Variants in PCTP observed in about 807,000 individuals in gnomAD.
The protein encoded by PCTP is START domain-containing protein 2.
A neutral mutation model predicts 31.0 loss-of-function variants in PCTP; 27 were observed. The ratio of observed to expected loss-of-function variants is 0.87; its 90% CI spans 0.64 to 1.20. The LOEUF (loss-of-function observed/expected upper bound fraction) is 1.20. PCTP is among the 50% of genes most tolerant of loss of function. The probability of loss-of-function intolerance (pLI) is 0.00; values close to 1 mark genes in which losing one functional copy is unlikely to be tolerated. For synonymous variants in PCTP, 108 were observed against 101.2 expected (o/e 1.07, Z -0.40); for missense variants, 287 against 268.2 (o/e 1.07, Z -0.49).
intron 1 of PCTP, among the ~76,000 whole-genome samples, chr17:55,758,898 G>A (rs1910190019): frequency 6.6e-6 from 1 of 152,148 alleles, no homozygotes; most frequent in South Asian, 2.1e-4. Context: ...CTGTCTCCAG[G>A]TATAAGCCAA....
At chr17:55,851,363 C>A in the PCTP span, among the ~76,000 whole-genome samples, 1 of 151,812 alleles carries the variant, frequency 6.6e-6, no homozygotes, top group Non-Finnish European at 1.5e-5. Context: ...TAAAACAGAG[C>A]TTTCAGATGA....
chr17:55,799,065 C>A (rs893695421), intron 3 of PCTP, among the ~76,000 whole-genome samples: 2 of 151,450 alleles, frequency 1.3e-5, no homozygotes, highest in Non-Finnish European at 2.9e-5. Context: ...GATTAGTAAG[C>A]TAATGGGGGG....
At chr17:55,753,207 A>C (rs1909805019) in intron 1 of PCTP, among the ~76,000 whole-genome samples, 1 of 152,112 alleles carries the variant, frequency 6.6e-6, no homozygotes, top group Non-Finnish European at 1.5e-5. Context: ...TTGGGTACTC[A>C]GCACCCCTCA....
chr17:55,755,265 C>T (rs12947143), intron 1 of PCTP, among the ~76,000 whole-genome samples: 17,241 of 152,118 alleles, frequency 0.11, 1,109 homozygotes, highest in African/African-American at 0.17. Context: ...CTGGTTGTGA[C>T]GACCCTTCAC....
intron 3 of PCTP, among the ~76,000 whole-genome samples, chr17:55,791,726 A>C (rs942602868): frequency 6.6e-5 from 10 of 152,182 alleles, no homozygotes; most frequent in Non-Finnish European, 1.2e-4. Context: ...AACTAGTTCA[A>C]CCATTGTGGA....
intron 5 of PCTP, among the ~76,000 whole-genome samples, chr17:55,834,075 GC>G (rs1215672738): frequency 6.6e-6 from 1 of 152,180 alleles, no homozygotes; most frequent in Non-Finnish European, 1.5e-5. Context: ...TAAGGAGGAA[GC>G]CCCTGAGTCT....
chr17:55,826,329 G>C (rs541617074), downstream of PCTP, among the ~76,000 whole-genome samples: 43 of 152,252 alleles, frequency 2.8e-4, no homozygotes, highest in Middle Eastern at 0.01. Flanking sequence ...GGTTTTGGAC[G>C]CACAAGCAAA....
chr17:55,841,936 T>C (rs182715968), intron 5 of PCTP, among the ~76,000 whole-genome samples: 17 of 152,338 alleles, frequency 1.1e-4, no homozygotes, highest in African/African-American at 4.1e-4. Context: ...TCTATTTACC[T>C]ATCTAGCTAA....
Position 55,767,326 on chromosome 17 carries a change from T to A in PCTP, c.142-9T>A. The A allele has an allele frequency of 1.3e-6, 2 of 1,562,990 alleles. No homozygotes were observed. Among genetic ancestry groups the A allele is most frequent in the Non-Finnish European group, 1.8e-6 (2 of 1,136,210 alleles). On this transcript the variant is annotated splice_polypyrimidine_tract_variant and intron_variant, in intron 1 of 5. Coordinates refer to ENST00000268896, the MANE Select transcript of PCTP (RefSeq NM_021213.4). ...CCAATAGACATTTCTACCTGTTCTGTTTTTATAGAAGACTGGACTTTATGA... is the reference window on the plus strand; with the variant it reads ...CCAATAGACATTTCTACCTGTTCTGATTTTATAGAAGACTGGACTTTATGA...
intron 5 of PCTP, among the ~76,000 whole-genome samples, chr17:55,836,970 A>C (rs1298113217): frequency 6.6e-6 from 1 of 152,214 alleles, no homozygotes; most frequent in African/African-American, 2.4e-5. Context: ...GGTGTCCCTG[A>C]GACTGTAGTG....
chr17:55,805,738 G>C lies in PCTP; in HGVS notation c.318-17023G>C, dbSNP rs193227279. Among the ~76,000 whole-genome samples, 4 of 152,186 alleles carry C rather than the reference G, an allele frequency of 2.6e-5. No individual in the cohort carries two copies. In the East Asian group the frequency reaches 7.7e-4, roughly 29 times the overall value. On this transcript the variant is annotated intron_variant, in intron 3 of 3. Transcript: ENST00000572536. ...CCATTTAAAAATGTGTATCCATTTG[G>C]CACCAGATTTGACTCTCTTCCCATT...
the PCTP span, among the ~76,000 whole-genome samples, chr17:55,851,952 A>ACATTT: frequency 6.6e-6 from 1 of 151,990 alleles, no homozygotes; most frequent in African/African-American, 2.4e-5. Flanking sequence ...GTGTGTCATT[A>ACATTT]TTGTTTTTGA....
At position 55,773,896 on chromosome 17, in the gene PCTP, G is replaced by A. The variant is rs1485227279; in HGVS notation, c.511+1G>A. 4.4e-6 allele frequency: 7 copies of A among 1,599,078 alleles called. No individual in the cohort carries two copies. In the African/African-American group the frequency reaches 9.4e-5, roughly 21 times the overall value. ...AGTGACGGCAAGAAGGGGAGCAAAGGTAAAACCCATGGTGCCTGTCAGTGC... is the reference window on the plus strand; with the variant it reads ...AGTGACGGCAAGAAGGGGAGCAAAGATAAAACCCATGGTGCCTGTCAGTGC... On this transcript the variant is annotated splice_donor_variant, in intron 4 of 5. Coordinates refer to ENST00000268896, the MANE Select transcript of PCTP (RefSeq NM_021213.4). LOFTEE classifies it high-confidence loss of function.
intron 3 of PCTP, among the ~76,000 whole-genome samples, chr17:55,816,303 T>C (rs1341965142): frequency 6.6e-6 from 1 of 152,192 alleles, no homozygotes; most frequent in East Asian, 1.9e-4. Context: ...AATGTAATTT[T>C]TGACTCTATG....
chr17:55,755,134 A>T (rs529702633), intron 1 of PCTP, among the ~76,000 whole-genome samples: 3 of 152,248 alleles, frequency 2.0e-5, no homozygotes, highest in Admixed American at 1.3e-4. Flanking sequence ...AATGGATCTG[A>T]GATAGAGTTG....
chr17:55,845,919 T>TGTG (rs748251967), downstream of PCTP, among the ~76,000 whole-genome samples: 31 of 151,480 alleles, frequency 2.0e-4, no homozygotes, highest in Non-Finnish European at 3.5e-4. Context: ...TGTGTGTGTG[T>TGTG]GTGTGTGTAT....
chr17:55,815,061 C>T (rs1912873301), intron 3 of PCTP, among the ~76,000 whole-genome samples: 1 of 152,108 alleles, frequency 6.6e-6, no homozygotes, highest in African/African-American at 2.4e-5. Context: ...GGTCTACAGC[C>T]CAGTAGAATA....
At position 55,751,136 on chromosome 17, in the gene PCTP, G is replaced by A; in HGVS notation, c.33G>A (p.Glu11=). The stretch of plus-strand genomic sequence containing the variant: ...TGGCCGCCGGAAGCTTCTCGGAGGA[G>A]CAGTTCTGGGAGGCCTGCGCCGAGC... MELAAGSFSE[E]QFWEACAELQ... The change falls in exon 1 of 6, where the codon GAG becomes GAA. Residue 11 remains glutamate (E), a synonymous_variant. Coordinates refer to ENST00000268896, the MANE Select transcript of PCTP (RefSeq NM_021213.4). 1 of 1,545,840 alleles carries A rather than the reference G, an allele frequency of 6.5e-7. No homozygotes were observed. The highest frequency in any genetic ancestry group is 8.7e-7 in the Non-Finnish European group (1 of 1,145,388).
At chr17:55,791,268 C>G (rs1911962603) in intron 3 of PCTP, among the ~76,000 whole-genome samples, 1 of 151,902 alleles carries the variant, frequency 6.6e-6, no homozygotes, top group Non-Finnish European at 1.5e-5. Flanking sequence ...GTCTAAAACA[C>G]CAACAGCAAT....
Sources: gnomAD v4.1 joint callset for allele counts (sites outside exome capture counted in the v4.1 genomes callset) on GRCh38, gnomAD v4.1.1 for gene constraint, MANE v1.5 for transcripts, NCBI Gene and HGNC (gene_info 2026-07-23, HGNC 2026-07-21) for gene names.